Variants in FLNB observed in about 807,000 individuals in gnomAD.
The protein encoded by FLNB is filamin-B.
In FLNB, 111 loss-of-function variants were observed where a neutral mutation model predicts 250.6. The ratio of observed to expected loss-of-function variants is 0.44; its 90% confidence interval spans 0.38 to 0.52. The LOEUF is 0.52. FLNB is among the 20% of genes least tolerant of loss of function. The pLI is 0.00. For synonymous variants in FLNB, 1,302 were observed against 1,372.1 expected (o/e 0.95, Z 1.13); for missense variants, 2,869 against 3,447.8 (o/e 0.83, Z 4.20).
chr3:58,148,495 G>A lies in FLNB; in HGVS notation c.5887+131G>A, dbSNP rs561061250. On this transcript the variant is annotated intron_variant, in intron 35 of 45. Coordinates refer to ENST00000295956, the MANE Select transcript of FLNB (RefSeq NM_001457.4). ...GATAAACCTGCTGGGTCACACGCAC[G>A]ATAAATGCCCAAGCGTATTTGTGCA... 4 of 1,259,326 alleles carry A rather than the reference G, an allele frequency of 3.2e-6. No individual in the cohort carries two copies. In the South Asian group the frequency reaches 5.1e-5, roughly 16 times the overall value. 78.0% of individuals were successfully genotyped at this position (1,259,326 alleles called of 1,614,324 possible). A position where few individuals can be genotyped will look rare whatever the true frequency, so the allele number is the denominator to read the frequency against.
At chr3:58,101,036 G>T (rs1437137667) in intron 8 of FLNB, among the ~76,000 whole-genome samples, 1 of 152,110 alleles carries the variant, frequency 6.6e-6, no homozygotes, top group African/African-American at 2.4e-5. Context: ...TATGTTAAAA[G>T]AAACTTTATA....
chr3:58,038,768 A>G (rs1443067234), intron 1 of FLNB, among the ~76,000 whole-genome samples: 1 of 152,056 alleles, frequency 6.6e-6, no homozygotes, highest in African/African-American at 2.4e-5. Flanking sequence ...TAGCTCTGGC[A>G]GTTACTACTT....
chr3:58,146,186 G>C, intron 33 of FLNB, 137 bp downstream of exon 33: 1 of 1,037,052 alleles, frequency 9.6e-7, no homozygotes, highest in Non-Finnish European at 1.5e-6. Context: ...GTGTAAATCT[G>C]TTTCTTCTTT....
intron 25 of FLNB, chr3:58,131,871 C>A (rs1041116123): frequency 8.3e-7 from 1 of 1,199,680 alleles, no homozygotes. Context: ...AGAAGCTTTA[C>A]TTGGATATCT....
rs75917808 is a variant in FLNB, at chr3:58,057,412, A to C, written c.293-19634A>C. On this transcript the variant is annotated intron_variant, in intron 1 of 45. Coordinates refer to ENST00000295956, the MANE Select transcript of FLNB (RefSeq NM_001457.4). ...TGCCCAATCTGTCCTGTCTGCCTCT[A>C]CCTAGCTTTAGAAGTGTTTTGTTGG... Among the ~76,000 whole-genome samples the C allele has an allele frequency of 4.2e-3, 633 of 152,330 alleles. 4 individuals carry two copies. The highest frequency in any genetic ancestry group is 0.014 in the African/African-American group (595 of 41,578).
intron 29 of FLNB, among the ~76,000 whole-genome samples, chr3:58,139,893 G>A (rs774821083): frequency 6.6e-6 from 1 of 152,192 alleles, no homozygotes; most frequent in South Asian, 2.1e-4. Context: ...GAAGGTCTAC[G>A]TGAGAAAGTC....
intron 38 of FLNB, among the ~76,000 whole-genome samples, chr3:58,151,938 A>G (rs925846235): frequency 1.3e-5 from 2 of 152,074 alleles, no homozygotes; most frequent in South Asian, 2.1e-4. Context: ...ACTTTGGCCA[A>G]CCTGATGGAA....
chr3:58,099,312 T>C (rs2097245220), intron 8 of FLNB, among the ~76,000 whole-genome samples: 1 of 152,138 alleles, frequency 6.6e-6, no homozygotes, highest in Non-Finnish European at 1.5e-5. Context: ...CATCTAATCA[T>C]TGCACCAGCC....
At chr3:58,135,474 C>T (rs2097314409) in intron 27 of FLNB, among the ~76,000 whole-genome samples, 1 of 152,232 alleles carries the variant, frequency 6.6e-6, no homozygotes, top group Non-Finnish European at 1.5e-5. Context: ...AAGGGGTCCT[C>T]CCAGCTCAGT....
rs765129281 is a variant in FLNB, at chr3:58,121,469, C to T, written c.3092C>T (p.Thr1031Ile). 5.6e-6 allele frequency: 9 copies of T among 1,614,152 alleles called. No homozygotes were observed. The highest frequency in any genetic ancestry group is 7.6e-6 in the Non-Finnish European group (9 of 1,180,032). ...CACCCTGTGCCCGGGAGCCCCTACA[C>T]AGTGGAGGCCTCGCTGCCACCAGAT... ...DGHPVPGSPY[T>I]VEASLPPDPS... The change falls in exon 20 of 46, where the codon ACA becomes ATA. Residue 1031 changes from threonine to isoleucine, a missense_variant. Thr to Ile is a moderately conservative substitution (Grantham distance 89). Coordinates refer to ENST00000295956, the MANE Select transcript of FLNB (RefSeq NM_001457.4).
At chr3:58,088,534 G>C (rs1471116389) in intron 4 of FLNB, among the ~76,000 whole-genome samples, 1 of 152,162 alleles carries the variant, frequency 6.6e-6, no homozygotes, top group African/African-American at 2.4e-5. Context: ...AGGGATCTTG[G>C]GACTCGAGGA....
chr3:58,098,898 G>T lies in FLNB; in HGVS notation c.1335G>T (p.Gln445His). 3 of 1,613,892 alleles carry T rather than the reference G, an allele frequency of 1.9e-6. No homozygotes were observed. Among genetic ancestry groups the T allele is most frequent in the Non-Finnish European group, 2.5e-6 (3 of 1,179,930 alleles). ...TTCCTAAGAGTCCCTTCGTTGTGCA[G>T]GTTGGGGAAGGTGAGTGCTGGGCTG... Reference protein sequence around the residue: ...DTIPKSPFVVQVGEACNPNAC... With the variant: ...DTIPKSPFVVHVGEACNPNAC... The change falls in exon 8 of 46, where the codon CAG (glutamine) becomes CAT (histidine). Residue 445 changes from glutamine (Q) to histidine (H), a missense_variant. Gln to His is a conservative substitution (Grantham distance 24). This residue lies in a region of FLNB where 1,348 missense variants were observed against 1,466.7 expected (regional missense o/e 0.92). Coordinates refer to ENST00000295956, the MANE Select transcript of FLNB (RefSeq NM_001457.4).
chr3:58,030,430 A>G (rs958881427), intron 1 of FLNB, among the ~76,000 whole-genome samples: 1 of 152,174 alleles, frequency 6.6e-6, no homozygotes, highest in Admixed American at 6.5e-5. Flanking sequence ...TTCATCCTAA[A>G]GCTGGTTCTC....
At chr3:58,133,673 A>G (rs1349244031) in intron 26 of FLNB, among the ~76,000 whole-genome samples, 1 of 152,032 alleles carries the variant, frequency 6.6e-6, no homozygotes, top group Non-Finnish European at 1.5e-5. Context: ...AAAAAATGTT[A>G]CATAAGCTCT....
chr3:58,009,004 T>A, intron 1 of FLNB, 148 bp downstream of exon 1: 1 of 889,656 alleles, frequency 1.1e-6, no homozygotes, highest in Non-Finnish European at 1.8e-6. Context: ...ATAGGGGGCC[T>A]AGACCCCCTC....
Position 58,097,930 on chromosome 3 carries a change from T to C in FLNB, c.1100T>C (p.Val367Ala), listed in dbSNP as rs1018372387. The change falls in exon 7 of 46, where the codon GTA becomes GCA. Residue 367 changes from valine (V) to alanine (A), a missense_variant. Val to Ala is a moderately conservative substitution (Grantham distance 64). Around this residue, in one of 5 missense-constraint regions of FLNB, gnomAD observed 1,348 missense variants for 1,466.7 expected, o/e 0.92. Coordinates refer to ENST00000295956, the MANE Select transcript of FLNB (RefSeq NM_001457.4). ...GCAAAAGGTCCAGGGTTGGAAGCTG[T>C]AGGGAACATCGCCAATAAGCCCACC... ...VTAKGPGLEA[V>A]GNIANKPTYF... The C allele has an allele frequency of 5.0e-6, 8 of 1,613,992 alleles. No individual in the cohort carries two copies. The African/African-American group carries it at 6.7e-5, about 13-fold the overall frequency.
intron 42 of FLNB, among the ~76,000 whole-genome samples, chr3:58,161,567 A>C (rs1035046616): frequency 6.6e-6 from 1 of 152,200 alleles, no homozygotes; most frequent in Non-Finnish European, 1.5e-5. Flanking sequence ...AGCATGACAC[A>C]GTTACTATTG....
At chr3:58,159,275 A>T (rs2097357821) in intron 41 of FLNB, among the ~76,000 whole-genome samples, 1 of 152,184 alleles carries the variant, frequency 6.6e-6, no homozygotes, top group Admixed American at 6.5e-5. Flanking sequence ...GGATGCTGAG[A>T]TGATAGTCCT....
At chr3:58,030,997 A>G (rs887314128) in intron 1 of FLNB, among the ~76,000 whole-genome samples, 4 of 152,192 alleles carry the variant, frequency 2.6e-5, no homozygotes, top group African/African-American at 4.8e-5. Flanking sequence ...ATGCTATGAT[A>G]CCGTTTATAT....
Sources: allele counts gnomAD v4.1 joint callset (sites outside exome capture counted in the v4.1 genomes callset), GRCh38; gene constraint gnomAD v4.1.1; regional missense constraint gnomAD v4.1.1; transcripts MANE v1.5; gene names NCBI Gene and HGNC (gene_info 2026-07-23, HGNC 2026-07-21).